The following LASP1 variants were observed in gnomAD, a reference collection of about 807,000 sequenced individuals.
LASP1 encodes LIM and SH3 domain protein 1.
LASP1 carries 10 observed loss-of-function variants against 38.6 expected under a neutral mutation model. That is an observed-to-expected ratio of 0.26 (90% CI 0.16 to 0.44). The LOEUF (loss-of-function observed/expected upper bound fraction) is 0.44. Ranked by LOEUF, LASP1 falls within the 20% of genes least tolerant of loss-of-function variation. The pLI is 1.00. For missense variants in LASP1, 243 were observed against 375.7 expected (o/e 0.65, Z 2.92); for synonymous variants, 132 against 140.8 (o/e 0.94, Z 0.44).
At position 38,889,025 on chromosome 17, in the gene LASP1, G is replaced by A. The variant is rs376384581; in HGVS notation, c.165-1395G>A. ...CCTCAGTTCTCCCATCTGTCAAAGGGGTACGCTGAATACCAGTCACACAGG... is the reference window on the plus strand; with the variant it reads ...CCTCAGTTCTCCCATCTGTCAAAGGAGTACGCTGAATACCAGTCACACAGG... On this transcript the variant is annotated intron_variant, in intron 2 of 6. Transcript: ENST00000318008. 2.4e-4 allele frequency among the ~76,000 whole-genome samples: 37 copies of A among 152,344 alleles called. No homozygotes were observed. The East Asian group carries it at 4.2e-3, about 17-fold the overall frequency.
intron 2 of LASP1, among the ~76,000 whole-genome samples, chr17:38,889,776 C>T (rs1425098299): frequency 6.6e-6 from 1 of 152,280 alleles, no homozygotes; most frequent in South Asian, 2.1e-4. Flanking sequence ...ATAAGGGATA[C>T]TCAACCTGTA....
intron 1 of LASP1, 68 bp from the exon 2 acceptor site, chr17:38,878,018 C>G (rs989394906): frequency 1.1e-5 from 13 of 1,219,898 alleles, no homozygotes; most frequent in African/African-American, 8.9e-5. Context: ...AGTGCCCCTT[C>G]CTAGGGCCTG....
At chr17:38,879,564 G>GTT (rs566442320) in intron 2 of LASP1, among the ~76,000 whole-genome samples, 11 of 135,818 alleles carry the variant, frequency 8.1e-5, no homozygotes, top group Non-Finnish European at 9.6e-5. Context: ...CTTGAGTCCA[G>GTT]TTTTTTTTTT....
chr17:38,893,390 A>C (rs1045496710), intron 3 of LASP1, among the ~76,000 whole-genome samples: 1 of 152,098 alleles, frequency 6.6e-6, no homozygotes, highest in Non-Finnish European at 1.5e-5. Context: ...CGTGATTCTG[A>C]TAAGGACTTT....
chr17:38,908,134 C>G (rs1473902647), intron 4 of LASP1, among the ~76,000 whole-genome samples: 1 of 152,234 alleles, frequency 6.6e-6, no homozygotes, highest in Non-Finnish European at 1.5e-5. Context: ...AGCTGTCACA[C>G]ATTCATCTGG....
chr17:38,871,020 C>T (rs936210988), intron 1 of LASP1, among the ~76,000 whole-genome samples: 1 of 152,044 alleles, frequency 6.6e-6, no homozygotes, highest in Non-Finnish European at 1.5e-5. Flanking sequence ...GCTGAGATCT[C>T]CTGAAATTGT....
intron 3 of LASP1, among the ~76,000 whole-genome samples, chr17:38,893,626 C>T (rs1207487860): frequency 6.6e-6 from 1 of 152,166 alleles, no homozygotes; most frequent in East Asian, 1.9e-4. Context: ...TTCCCACCGC[C>T]CACCAGCTGT....
intron 3 of LASP1, among the ~76,000 whole-genome samples, chr17:38,897,690 C>T (rs1193101396): frequency 6.6e-6 from 1 of 152,092 alleles, no homozygotes; most frequent in African/African-American, 2.4e-5. Context: ...GCTGTCTGAC[C>T]CCCGCTGCTT....
chr17:38,898,695 A>G, intron 4 of LASP1, 176 bp downstream of exon 4: 1 of 671,744 alleles, frequency 1.5e-6, no homozygotes, highest in South Asian at 1.5e-5. Context: ...TTCTCTGTGT[A>G]CCCCCAGACC....
intron 4 of LASP1, among the ~76,000 whole-genome samples, chr17:38,907,793 C>G (rs1224564925): frequency 6.6e-6 from 1 of 152,196 alleles, no homozygotes; most frequent in African/African-American, 2.4e-5. Context: ...TCAGTTTCCC[C>G]AGCCCTTTAT....
chr17:38,894,318 G>A (rs899327588), intron 3 of LASP1, among the ~76,000 whole-genome samples: 4 of 152,150 alleles, frequency 2.6e-5, no homozygotes, highest in African/African-American at 7.2e-5. Context: ...ACCTTGATGG[G>A]GTCATGGGAA....
intron 3 of LASP1, among the ~76,000 whole-genome samples, chr17:38,896,473 G>A (rs1914494668): frequency 6.6e-6 from 1 of 152,184 alleles, no homozygotes; most frequent in East Asian, 1.9e-4. Context: ...TTCCCCAACA[G>A]GGAGGGGGAG....
intron 1 of LASP1, among the ~76,000 whole-genome samples, chr17:38,872,545 C>A (rs561679277): frequency 6.6e-6 from 1 of 152,278 alleles, no homozygotes; most frequent in East Asian, 1.9e-4. Flanking sequence ...CTATTCCTCT[C>A]CACCTGCTCC....
rs1211266219 is a variant in LASP1 at position 38,918,136 on chromosome 17, T to A, written c.613-469T>A. Among the ~76,000 whole-genome samples, 2 of 142,978 alleles carry A rather than the reference T, an allele frequency of 1.4e-5. No homozygotes were observed. Among genetic ancestry groups the A allele is most frequent in the African/African-American group, 2.6e-5 (1 of 38,576 alleles). 93.8% of individuals were successfully genotyped at this position (142,978 alleles called of 152,430 possible). A position where few individuals can be genotyped will look rare whatever the true frequency, so the allele number is the denominator to read the frequency against. ...GCTTGGGTGACAAAGCAAGACTCCATCTCAAAAAAAAAAAAAAAAAGAGGG... is the reference window on the plus strand; with the variant it reads ...GCTTGGGTGACAAAGCAAGACTCCAACTCAAAAAAAAAAAAAAAAAGAGGG... On this transcript the variant is annotated intron_variant, in intron 6 of 6. Coordinates refer to ENST00000318008, the MANE Select transcript of LASP1 (RefSeq NM_006148.4). The surrounding 1 kb of genome is among the most constrained non-coding windows in gnomAD (Gnocchi z 4.4).
Position 38,918,845 on chromosome 17 carries a change from T to C in LASP1, c.*67T>C. 2 of 1,546,276 alleles carry C rather than the reference T, an allele frequency of 1.3e-6. No individual in the cohort carries two copies. The highest frequency in any genetic ancestry group is 2.7e-5 in the African/African-American group (2 of 73,686). On this transcript the variant is annotated 3_prime_UTR_variant, in exon 7 of 7. Transcript: ENST00000318008. The surrounding 1 kb of genome is among the most constrained non-coding windows in gnomAD (Gnocchi z 4.4). The stretch of plus-strand genomic sequence containing the variant: ...TCGCATCCGTCCTGGGCGTGACCCG[T>C]CCATTCTTCAGTGTCTCTGTTTTTT...
intron 4 of LASP1, among the ~76,000 whole-genome samples, chr17:38,909,540 G>C (rs536599795): frequency 3.2e-4 from 48 of 152,116 alleles, no homozygotes; most frequent in African/African-American, 1.1e-3. Context: ...CCGGGAGGCA[G>C]AGGGTGCAGT....
intron 1 of LASP1, among the ~76,000 whole-genome samples, chr17:38,872,303 C>T (rs578078337): frequency 3.4e-4 from 52 of 152,274 alleles, no homozygotes; most frequent in African/African-American, 1.1e-3. Context: ...CACCACTCCC[C>T]TTGGAAAGAC....
intron 3 of LASP1, among the ~76,000 whole-genome samples, chr17:38,895,470 C>T (rs959139779): frequency 5.3e-5 from 8 of 151,850 alleles, no homozygotes; most frequent in East Asian, 1.9e-4. Flanking sequence ...ACGCCCACCA[C>T]GCCCGGCTAA....
At chr17:38,913,888 G>T (rs1331964278) in intron 4 of LASP1, among the ~76,000 whole-genome samples, 4 of 151,986 alleles carry the variant, frequency 2.6e-5, no homozygotes, top group South Asian at 2.1e-4. Flanking sequence ...TGTAATCCCA[G>T]CCGCCCAGGA....
Sources: allele counts gnomAD v4.1 joint callset (sites outside exome capture counted in the v4.1 genomes callset), GRCh38; gene constraint gnomAD v4.1.1; non-coding constraint Gnocchi (gnomAD v3.1); transcripts MANE v1.5; gene names NCBI Gene and HGNC (gene_info 2026-07-23, HGNC 2026-07-21).